The following ZNF205 variants were observed in gnomAD, a reference collection of about 807,000 sequenced individuals.
ZNF205 encodes transcriptional repressor RHIT.
Under a neutral mutation model 53.6 loss-of-function variants are expected in ZNF205, and 32 were observed. The observed-to-expected ratio is 0.60, with a 90% CI of 0.45 to 0.80. The LOEUF (loss-of-function observed/expected upper bound fraction) is 0.80. ZNF205 is among the 30% of genes least tolerant of loss of function. The pLI is 0.00. For synonymous variants in ZNF205, 382 were observed against 334.3 expected, an observed-to-expected ratio of 1.14 and a Z score of -1.56; for missense variants, 836 against 782.4, an observed-to-expected ratio of 1.07 and a Z score of -0.82.
intron 6 of ZNF205, 52 bp from the exon 7 acceptor site, chr16:3,119,204 T>G (rs779342127): frequency 9.8e-6 from 15 of 1,538,010 alleles, no homozygotes. Context: ...TCCACCCTCC[T>G]GGGGTCCTTA....
intron 5 of ZNF205, 111 bp from the exon 6 acceptor site, chr16:3,118,794 C>T: frequency 8.5e-7 from 1 of 1,181,752 alleles, no homozygotes; most frequent in Non-Finnish European, 1.2e-6. Flanking sequence ...ATTTTACCCC[C>T]TGTTTCCAGA....
Position 3,118,012 on chromosome 16 carries a change from CTTTTTT to C in ZNF205, c.485-875_485-870del, listed in dbSNP as rs71158135. On this transcript the variant is annotated intron_variant, in intron 5 of 6. Coordinates refer to ENST00000219091, the MANE Select transcript of ZNF205 (RefSeq NM_001042428.2). Reference sequence around the variant, plus strand: ...TACAGGTGCCCACCACCATGCCCGGCTTTTTTTTTTTTTTTTTTTTTTTGTATTTTT... The same window carrying C: ...TACAGGTGCCCACCACCATGCCCGGCTTTTTTTTTTTTTTTTTGTATTTTT... Among the ~76,000 whole-genome samples, 172 of 74,288 alleles carry C rather than the reference CTTTTTT, an allele frequency of 2.3e-3. 1 individual carries two copies. The highest frequency in any genetic ancestry group is 0.015 in the Admixed American group (84 of 5,544). 48.7% of individuals were successfully genotyped at this position (74,288 alleles called of 152,430 possible). A position where few individuals can be genotyped will look rare whatever the true frequency, so the allele number is the denominator to read the frequency against.
intron 5 of ZNF205, among the ~76,000 whole-genome samples, chr16:3,117,663 G>A (rs1415288385): frequency 6.6e-6 from 1 of 151,340 alleles, no homozygotes; most frequent in East Asian, 1.9e-4. Flanking sequence ...ATGTTGCCCA[G>A]GTTGGTCTTG....
chr16:3,118,009 C>T (rs561795564), intron 5 of ZNF205, among the ~76,000 whole-genome samples: 97 of 110,844 alleles, frequency 8.8e-4, no homozygotes, highest in African/African-American at 9.9e-4. Context: ...CCACCATGCC[C>T]GGCTTTTTTT....
chr16:3,118,614 G>T (rs1957375152), intron 5 of ZNF205, among the ~76,000 whole-genome samples: 1 of 152,190 alleles, frequency 6.6e-6, no homozygotes, highest in African/African-American at 2.4e-5. Flanking sequence ...CCAGGTGTGG[G>T]TGTAGGAGCG....
chr16:3,113,107 G>A (rs1256983810), intron 1 of ZNF205, among the ~76,000 whole-genome samples: 2 of 152,210 alleles, frequency 1.3e-5, no homozygotes, highest in Admixed American at 1.3e-4. Flanking sequence ...TTTAGCCTCG[G>A]CTTTCCCTGA....
rs1327275776 is a variant in ZNF205, at chr16:3,120,277, G to A, written c.1617G>A (p.Gly539=). Residue 539 remains glycine, a synonymous_variant, in exon 7 of 7, where the codon GGG becomes GGA. Coordinates refer to ENST00000219091, the MANE Select transcript of ZNF205 (RefSeq NM_001042428.2). ...GPKALAMLML[G]AAAAGALATP... ...AGGCCCTGGCCATGCTGATGCTGGG[G>A]GCGGCGGCGGCGGGGGCTCTGGCCA... The A allele has an allele frequency of 6.3e-7, 1 of 1,592,434 alleles. No individual in the cohort carries two copies. Among genetic ancestry groups the A allele is most frequent in the Non-Finnish European group, 8.5e-7 (1 of 1,175,820 alleles).
chr16:3,119,157 C>G (rs1957384892), intron 6 of ZNF205, 99 bp from the exon 7 acceptor site: 2 of 1,505,402 alleles, frequency 1.3e-6, no homozygotes, highest in Non-Finnish European at 8.9e-7. Flanking sequence ...GCTTTCTGGT[C>G]TCTGAGAATC....
chr16:3,119,068 C>T (rs1957383900), intron 6 of ZNF205, 53 bp downstream of exon 6: 9 of 1,589,240 alleles, frequency 5.7e-6, no homozygotes, highest in South Asian at 4.5e-5. Context: ...AGACGCAGGC[C>T]TTCTGGCTGT....
At position 3,116,520 on chromosome 16, in the gene ZNF205, C is replaced by CTGCAGAAGAAAAATGGGCTG; in HGVS notation, c.459_478dup (p.Ser160CysfsTer66). The CTGCAGAAGAAAAATGGGCTG allele has an allele frequency of 6.2e-7, 1 of 1,614,024 alleles. No individual in the cohort carries two copies. Among genetic ancestry groups the CTGCAGAAGAAAAATGGGCTG allele is most frequent in the Non-Finnish European group, 8.5e-7 (1 of 1,179,978 alleles). On this transcript the variant is annotated frameshift_variant, in exon 5 of 7. Transcript: ENST00000219091. LOFTEE classifies it high-confidence loss of function. ...GCAGCAGAACTTCTACAGGGATGTC[C>CTGCAGAAGAAAAATGGGCTG]TGCAGAAGAAAAATGGGCTGTCACT...
At chr16:3,119,185 T>G in intron 6 of ZNF205, 71 bp from the exon 7 acceptor site, 1 of 1,519,250 alleles carries the variant, frequency 6.6e-7, no homozygotes, top group Non-Finnish European at 8.8e-7. Context: ...CACCCTTAGC[T>G]CTGCCTTCTC....
rs1220374410 is a variant in ZNF205, at chr16:3,115,513, C to G, written c.216C>G (p.Gly72=). The change falls in exon 3 of 7, where the codon GGC becomes GGG. Residue 72 remains glycine, a synonymous_variant. Transcript: ENST00000219091. ...SQEDGAQGAW[G]WAPLSHGSKE... ...AGGATGGGGCTCAAGGTGCCTGGGGCTGGGCACCCCTAAGTCACGGCTCTA... is the reference window on the plus strand; with the variant it reads ...AGGATGGGGCTCAAGGTGCCTGGGGGTGGGCACCCCTAAGTCACGGCTCTA... 1.9e-6 allele frequency: 3 copies of G among 1,603,672 alleles called. No individual in the cohort carries two copies. Among genetic ancestry groups the G allele is most frequent in the Non-Finnish European group, 1.7e-6 (2 of 1,176,212 alleles).
At chr16:3,113,646 T>G (rs1957300745) in intron 2 of ZNF205, among the ~76,000 whole-genome samples, 159 bp downstream of exon 2, 2 of 152,080 alleles carry the variant, frequency 1.3e-5, no homozygotes, top group Non-Finnish European at 2.9e-5. Flanking sequence ...TGTCTGGAAT[T>G]TACAGCATAA....
At chr16:3,114,948 T>C (rs1189264023) in intron 2 of ZNF205, 2 of 157,218 alleles carry the variant, frequency 1.3e-5, no homozygotes, top group African/African-American at 2.4e-5. Flanking sequence ...GATGATTTAA[T>C]CTCAAGATCT....
In ZNF205 at chr16:3,119,198, C is replaced by T. The variant is rs2151231708; in HGVS notation, c.596-58C>T. On this transcript the variant is annotated intron_variant, in intron 6 of 6. Coordinates refer to ENST00000219091, the MANE Select transcript of ZNF205 (RefSeq NM_001042428.2). Reference sequence around the variant, plus strand: ...CCCACCCTTAGCTCTGCCTTCTCCACCCTCCTGGGGTCCTTAGGGAAGCTC... The same window carrying T: ...CCCACCCTTAGCTCTGCCTTCTCCATCCTCCTGGGGTCCTTAGGGAAGCTC... The T allele has an allele frequency of 2.0e-6, 3 of 1,526,480 alleles. No individual in the cohort carries two copies. In the South Asian group the frequency reaches 3.9e-5, roughly 20 times the overall value. The allele number at this position is 1,526,480 out of a possible 1,614,324, so 94.6% of individuals were successfully genotyped here.
intron 2 of ZNF205, among the ~76,000 whole-genome samples, chr16:3,114,553 C>T (rs1268392021): frequency 6.6e-6 from 1 of 152,194 alleles, no homozygotes; most frequent in Non-Finnish European, 1.5e-5. Flanking sequence ...GGATGAGGCC[C>T]CACCAGGGCC....
At position 3,120,390 on chromosome 16, in the gene ZNF205, C is replaced by T. The variant is rs1596301248; in HGVS notation, c.*65C>T. The stretch of plus-strand genomic sequence containing the variant: ...GAACAGCCCCACTGGAGTCAAGGCT[C>T]CGAGGGAGGAGAGAGGGGCTCGGGA... On this transcript the variant is annotated 3_prime_UTR_variant, in exon 7 of 7. Transcript: ENST00000219091. 2 of 1,435,498 alleles carry T rather than the reference C, an allele frequency of 1.4e-6. No homozygotes were observed. The highest frequency in any genetic ancestry group is 1.8e-6 in the Non-Finnish European group (2 of 1,097,794). 88.9% of individuals were successfully genotyped at this position (1,435,498 alleles called of 1,614,324 possible).
At chr16:3,119,044 C>G in intron 6 of ZNF205, 29 bp downstream of exon 6, 1 of 1,605,938 alleles carries the variant, frequency 6.2e-7, no homozygotes. Context: ...CCTTTGTCTG[C>G]GGGAGTGGGG....
Position 3,119,494 on chromosome 16 carries a change from C to A in ZNF205, c.834C>A (p.Val278=). ...PSPTEPQEYR[V]PEKPNEEEKG... is the part of the protein sequence containing the mutation. ...CCACGGAGCCCCAGGAGTACCGCGT[C>A]CCGGAGAAGCCCAACGAGGAGGAGA... Residue 278 remains valine, a synonymous_variant, in exon 7 of 7, where the codon GTC becomes GTA. Coordinates refer to ENST00000219091, the MANE Select transcript of ZNF205 (RefSeq NM_001042428.2). 6.3e-7 allele frequency: 1 copy of A among 1,593,504 alleles called. No homozygotes were observed. The highest frequency in any genetic ancestry group is 2.3e-5 in the East Asian group (1 of 44,110).
Sources: allele counts gnomAD v4.1 joint callset (sites outside exome capture counted in the v4.1 genomes callset), GRCh38; gene constraint gnomAD v4.1.1; transcripts MANE v1.5; gene names NCBI Gene and HGNC (gene_info 2026-07-23, HGNC 2026-07-21).